The following LONP2 variants were observed in gnomAD, a reference collection of about 807,000 sequenced individuals.
The protein encoded by LONP2 is lon protease homolog 2, peroxisomal.
Under a neutral mutation model 85.6 loss-of-function variants are expected in LONP2, and 60 were observed. The ratio of observed to expected loss-of-function variants is 0.70; its 90% confidence interval spans 0.57 to 0.87. LONP2 has a LOEUF of 0.87. Among genes scored for constraint, LONP2 ranks in the 40% least tolerant of loss-of-function variants. LONP2 has a pLI of 0.00. For missense variants in LONP2, 860 were observed against 1,063.5 expected, an observed-to-expected ratio of 0.81 and a Z score of 2.66; for synonymous variants, 395 against 389.7, an observed-to-expected ratio of 1.01 and a Z score of -0.16.
In LONP2 at chr16:48,321,944, CT is replaced by C. The variant is rs112813148; in HGVS notation, c.1796-12259del. ...TTAGCCTGTATTTTTTAATTTTTTT[CT>C]TTTTTTTTTTTTACTTCTTTTTCTT... On this transcript the variant is annotated intron_variant, in intron 11 of 14. Coordinates refer to ENST00000285737, the MANE Select transcript of LONP2 (RefSeq NM_031490.5). Among the ~76,000 whole-genome samples, 1,245 of 141,208 alleles carry C rather than the reference CT, an allele frequency of 8.8e-3. 13 individuals are homozygous for C. The highest frequency in any genetic ancestry group is 0.025 in the African/African-American group (985 of 38,774). 92.6% of individuals were successfully genotyped at this position (141,208 alleles called of 152,430 possible).
intron 6 of LONP2, among the ~76,000 whole-genome samples, chr16:48,268,549 T>C (rs970148056): frequency 2.6e-5 from 4 of 152,218 alleles, no homozygotes; most frequent in African/African-American, 9.6e-5. Flanking sequence ...TTTGATTTAC[T>C]AGCATTTTAA....
intron 11 of LONP2, among the ~76,000 whole-genome samples, chr16:48,326,552 C>G (rs910724430): frequency 6.6e-6 from 1 of 151,902 alleles, no homozygotes; most frequent in Admixed American, 6.6e-5. Flanking sequence ...GATAGATATC[C>G]CAGGGCCCTC....
intron 11 of LONP2, among the ~76,000 whole-genome samples, chr16:48,326,542 G>A (rs1959242507): frequency 6.6e-6 from 1 of 152,044 alleles, no homozygotes; most frequent in Middle Eastern, 3.2e-3. Context: ...TAAAGATGAT[G>A]ATAGATATCC....
rs567882931 is a variant in LONP2, at chr16:48,339,245, C to A, written c.1938+4887C>A. Among the ~76,000 whole-genome samples, 7 of 152,162 alleles carry A rather than the reference C, an allele frequency of 4.6e-5. No individual in the cohort carries two copies. In the East Asian group the frequency reaches 7.7e-4, roughly 17 times the overall value. On this transcript the variant is annotated intron_variant, in intron 12 of 14. Transcript: ENST00000285737. ...AGAGGAAAACCAGGATGTTGTGCTG[C>A]CATAGAGACAGAAGAGGAGAGTATT...
At chr16:48,251,780 C>A (rs1425258872) in intron 1 of LONP2, among the ~76,000 whole-genome samples, 1 of 152,026 alleles carries the variant, frequency 6.6e-6, no homozygotes, top group East Asian at 1.9e-4. Context: ...AATATTTATC[C>A]TGGTATAAGA....
rs756433495 is a variant in LONP2, at chr16:48,270,264, C to T, written c.1231C>T (p.Arg411Ter). The change falls in exon 7 of 15, where the codon CGA becomes TGA. Residue 411 changes from arginine (R) to a stop codon, truncating the protein, a stop_gained. Coordinates refer to ENST00000285737, the MANE Select transcript of LONP2 (RefSeq NM_031490.5). LOFTEE classifies it high-confidence loss of function. ...AGGAGTATGTGATCAGTCTGACATT[C>T]GAGGACACAGGTAGAACACTTCTCT... ...LGGVCDQSDI[R>*]GHRRTYVGSM... The T allele has an allele frequency of 5.0e-6, 8 of 1,613,742 alleles. No homozygotes were observed. Among genetic ancestry groups the T allele is most frequent in the Non-Finnish European group, 6.8e-6 (8 of 1,179,822 alleles).
intron 11 of LONP2, among the ~76,000 whole-genome samples, chr16:48,317,739 T>C (rs1973175089): frequency 6.6e-6 from 1 of 152,204 alleles, no homozygotes; most frequent in Non-Finnish European, 1.5e-5. Context: ...AGGCTAGTGG[T>C]TGGGTGGTGA....
intron 7 of LONP2, among the ~76,000 whole-genome samples, 170 bp from the exon 8 acceptor site, chr16:48,277,168 A>G (rs1972225424): frequency 6.6e-6 from 1 of 152,260 alleles, no homozygotes; most frequent in Non-Finnish European, 1.5e-5. Context: ...TTAGAATTGA[A>G]TATAATAACT....
intron 7 of LONP2, among the ~76,000 whole-genome samples, chr16:48,273,326 A>C (rs1411378779): frequency 1.3e-5 from 2 of 152,208 alleles, no homozygotes; most frequent in African/African-American, 4.8e-5. Context: ...TGATTTTAAA[A>C]ACAAGCAAAG....
chr16:48,339,092 A>T (rs2151027872), intron 12 of LONP2, among the ~76,000 whole-genome samples: 1 of 152,302 alleles, frequency 6.6e-6, no homozygotes, highest in South Asian at 2.1e-4. Flanking sequence ...ATACATTTTT[A>T]AAAAGCAGGT....
At chr16:48,265,724 A>T (rs1567314036) in intron 6 of LONP2, among the ~76,000 whole-genome samples, 1 of 152,144 alleles carries the variant, frequency 6.6e-6, no homozygotes, top group Non-Finnish European at 1.5e-5. Flanking sequence ...TTTCTTATTA[A>T]TTTTAGGATT....
chr16:48,293,352 C>T (rs1273852401), intron 8 of LONP2, among the ~76,000 whole-genome samples: 3 of 151,830 alleles, frequency 2.0e-5, no homozygotes, highest in South Asian at 2.1e-4. Context: ...GGCGTGAGCC[C>T]GGGAGGCGGA....
intron 11 of LONP2, among the ~76,000 whole-genome samples, chr16:48,324,119 T>A (rs1409347985): frequency 6.6e-6 from 1 of 152,242 alleles, no homozygotes; most frequent in Non-Finnish European, 1.5e-5. Flanking sequence ...CTTTTCCTTT[T>A]CTGCCTTACC....
chr16:48,280,206 T>G (rs1972296974), intron 8 of LONP2, among the ~76,000 whole-genome samples: 1 of 152,230 alleles, frequency 6.6e-6, no homozygotes, highest in East Asian at 1.9e-4. Context: ...TTATATAATA[T>G]CTTTAGACTT....
At chr16:48,334,712 T>C (rs552605595) in intron 12 of LONP2, 23 of 553,734 alleles carry the variant, frequency 4.2e-5, no homozygotes, top group Admixed American at 1.8e-4. Context: ...CTTCAGCTGT[T>C]TGCCCTCAAA....
chr16:48,262,936 T>C, intron 6 of LONP2, 64 bp downstream of exon 6: 1 of 1,058,158 alleles, frequency 9.5e-7, no homozygotes. Context: ...ATGCAATTTT[T>C]CATTTCAAAT....
At chr16:48,323,575 A>G (rs1255106307) in intron 11 of LONP2, among the ~76,000 whole-genome samples, 1 of 151,782 alleles carries the variant, frequency 6.6e-6, no homozygotes, top group African/African-American at 2.4e-5. Context: ...TGAGAATCAC[A>G]TGAGCCTGGG....
At chr16:48,340,979 A>T (rs552718264) in intron 12 of LONP2, among the ~76,000 whole-genome samples, 163 of 151,996 alleles carry the variant, frequency 1.1e-3, no homozygotes, top group African/African-American at 3.6e-3. Context: ...TAATTGGCTC[A>T]CGGTTCTGAA....
Position 48,270,057 on chromosome 16 carries a change from G to T in LONP2, c.1024G>T (p.Asp342Tyr). Residue 342 changes from aspartate (D) to tyrosine (Y), a missense_variant, in exon 7 of 15, where the codon GAC (aspartate) becomes TAC (tyrosine). Asp to Tyr is a radical substitution (Grantham distance 160). Transcript: ENST00000285737. ...GGCAGCCCGGATTCTTCTGGATAATGACCATTACGCCATGGAAAAATTGAA... is the reference window on the plus strand; with the variant it reads ...GGCAGCCCGGATTCTTCTGGATAATTACCATTACGCCATGGAAAAATTGAA... ...IRAARILLDN[D>Y]HYAMEKLKKR... 1 of 1,613,938 alleles carries T rather than the reference G, an allele frequency of 6.2e-7. No individual in the cohort carries two copies. Among genetic ancestry groups the T allele is most frequent in the South Asian group, 1.1e-5 (1 of 91,020 alleles).
Sources: allele counts gnomAD v4.1 joint callset (sites outside exome capture counted in the v4.1 genomes callset), GRCh38; gene constraint gnomAD v4.1.1; transcripts MANE v1.5; gene names NCBI Gene and HGNC (gene_info 2026-07-23, HGNC 2026-07-21).